DACH2: variants seen among roughly 807,000 people sequenced by gnomAD.
The protein encoded by DACH2 is dachshund homolog 2.
DACH2 carries 17 observed loss-of-function variants against 35.8 expected under a neutral mutation model. That is an observed-to-expected ratio of 0.48 (90% CI 0.33 to 0.71). The LOEUF is 0.71. Among genes scored for constraint, DACH2 ranks in the 30% least tolerant of loss-of-function variants. The probability of loss-of-function intolerance (pLI) is 0.02; values close to 1 mark genes in which losing one functional copy is unlikely to be tolerated. For missense variants in DACH2, 469 were observed against 472.7 expected (o/e 0.99, Z 0.07); for synonymous variants, 195 against 177.3 (o/e 1.10, Z -0.79).
chrX:86,415,331 G>A (rs764656599), intron 2 of DACH2, among the ~76,000 whole-genome samples: 1 of 111,762 alleles, frequency 8.9e-6, no homozygotes, highest in East Asian at 2.8e-4. Context: ...TTGTTTTTGT[G>A]GTGTGCATCA....
intron 1 of DACH2, among the ~76,000 whole-genome samples, chrX:86,223,257 G>A (rs1268239785): frequency 8.9e-6 from 1 of 111,863 alleles, no homozygotes; most frequent in Non-Finnish European, 1.9e-5. Context: ...AAATTAAAGT[G>A]TAATCACATT....
At chrX:86,639,593 G>A (rs558733385) in intron 3 of DACH2, among the ~76,000 whole-genome samples, 12 of 111,301 alleles carry the variant, frequency 1.1e-4, no homozygotes, top group African/African-American at 2.0e-4. Flanking sequence ...TCCAAGGCAC[G>A]TCACAATATA....
At chrX:86,442,858 G>T (rs2037192922) in intron 2 of DACH2, among the ~76,000 whole-genome samples, 1 of 111,592 alleles carries the variant, frequency 9.0e-6, no homozygotes, top group South Asian at 3.7e-4. Context: ...GAATCAGTAG[G>T]TTGTAAACAC....
chrX:86,278,223 A>T (rs777424823), intron 1 of DACH2, among the ~76,000 whole-genome samples: 2 of 112,184 alleles, frequency 1.8e-5, no homozygotes, highest in African/African-American at 6.5e-5. Flanking sequence ...TGCAGCCATC[A>T]TTAGTCAACA....
intron 6 of DACH2, among the ~76,000 whole-genome samples, chrX:86,718,150 C>T (rs2041359425): frequency 9.0e-6 from 1 of 111,163 alleles, no homozygotes; most frequent in African/African-American, 3.3e-5. Context: ...GTTTTCTCCT[C>T]ACAAACACTT....
intron 7 of DACH2, among the ~76,000 whole-genome samples, chrX:86,777,919 T>C (rs772617113): frequency 9.0e-6 from 1 of 111,553 alleles, no homozygotes; most frequent in African/African-American, 3.3e-5. Context: ...ATTTAAAGTT[T>C]TTTAAAGGGG....
At chrX:86,714,799 T>G (rs1194889958) in intron 6 of DACH2, 79 bp downstream of exon 6, 1 of 894,155 alleles carries the variant, frequency 1.1e-6, no homozygotes, top group East Asian at 3.3e-5. Context: ...TCCCACTGGA[T>G]CTTCAGTAGT....
At chrX:86,367,420 T>C (rs2035821724) in intron 1 of DACH2, among the ~76,000 whole-genome samples, 1 of 111,351 alleles carries the variant, frequency 9.0e-6, no homozygotes, top group Non-Finnish European at 1.9e-5. Flanking sequence ...GGCAATAACT[T>C]TAAATCAGAG....
At chrX:86,305,558 A>G (rs1366748046) in intron 1 of DACH2, among the ~76,000 whole-genome samples, 1 of 111,743 alleles carries the variant, frequency 8.9e-6, no homozygotes, top group African/African-American at 3.3e-5. Flanking sequence ...TATAGACTAC[A>G]AAAGCAAAAA....
chrX:86,726,156 C>T lies in DACH2; in HGVS notation c.1104+11436C>T, dbSNP rs774013236. On this transcript the variant is annotated intron_variant, in intron 6 of 11. Coordinates refer to ENST00000373125, the MANE Select transcript of DACH2 (RefSeq NM_053281.3). ...GGTGGGGCCCCTCATAGCGGGAGCA[C>T]CATGCGCAGGTAGCTCTGGAAAGTA... is the stretch of plus-strand genomic sequence containing the variant. Among the ~76,000 whole-genome samples the T allele has an allele frequency of 8.1e-5, 9 of 111,634 alleles. 1 individual carries two copies. The East Asian group carries it at 2.6e-3, about 32-fold the overall frequency.
At position 86,651,102 on chromosome X, in the gene DACH2, C is replaced by A. The variant is rs1357618031; in HGVS notation, c.707C>A (p.Thr236Asn). The stretch of plus-strand genomic sequence containing the variant: ...AAGATGAAGCTTATGGCTATGAACA[C>A]TCTTCAGGGAAATGGAAGCCAAAAT... Reference protein sequence around the residue: ...LQKMKLMAMNTLQGNGSQNGT... With the variant: ...LQKMKLMAMNNLQGNGSQNGT... Residue 236 changes from threonine (T) to asparagine (N), a missense_variant, in exon 4 of 12, where the codon ACT (threonine) becomes AAT (asparagine). Thr to Asn is a moderately conservative substitution (Grantham distance 65). Coordinates refer to ENST00000373125, the MANE Select transcript of DACH2 (RefSeq NM_053281.3). 8.3e-7 allele frequency: 1 copy of A among 1,209,593 alleles called. No homozygotes were observed. The highest frequency in any genetic ancestry group is 1.1e-6 in the Non-Finnish European group (1 of 894,124).
At chrX:86,205,478 T>C (rs868836756) in intron 1 of DACH2, among the ~76,000 whole-genome samples, 447 of 36,872 alleles carry the variant, frequency 0.012, 18 homozygotes, top group African/African-American at 0.085. Context: ...CCTTCCCTCC[T>C]TCCCTCCTTC....
intron 1 of DACH2, among the ~76,000 whole-genome samples, chrX:86,228,687 T>C (rs947325658): frequency 3.6e-5 from 4 of 111,467 alleles, no homozygotes; most frequent in African/African-American, 1.3e-4. Flanking sequence ...TATATTGTGG[T>C]TTTGATTTGC....
chrX:86,826,349 C>A (rs2042562133), intron 11 of DACH2, among the ~76,000 whole-genome samples: 1 of 111,355 alleles, frequency 9.0e-6, no homozygotes, highest in South Asian at 3.8e-4. Flanking sequence ...AAAAGATGAC[C>A]TATTGACCTA....
chrX:86,344,054 C>T (rs1041203358), intron 1 of DACH2, among the ~76,000 whole-genome samples: 5 of 109,846 alleles, frequency 4.6e-5, no homozygotes, highest in African/African-American at 1.3e-4. Context: ...TTAAATAACT[C>T]AAAGGTGTAA....
rs139911216 is a variant in DACH2 at position 86,663,419 on chromosome X, A to G, written c.772+12252A>G. Among the ~76,000 whole-genome samples the G allele has an allele frequency of 4.2e-4, 47 of 112,037 alleles. 1 individual carries two copies. The East Asian group carries it at 0.011, about 25-fold the overall frequency. ...CATCTCTTAGGATGTGTTTAATGCA[A>G]AGCATAAAGTTAATTGTAAAGCTAC... On this transcript the variant is annotated intron_variant, in intron 4 of 11. Coordinates refer to ENST00000373125, the MANE Select transcript of DACH2 (RefSeq NM_053281.3).
chrX:86,215,511 A>G (rs2032549135), intron 1 of DACH2, among the ~76,000 whole-genome samples: 1 of 112,011 alleles, frequency 8.9e-6, no homozygotes, highest in Non-Finnish European at 1.9e-5. Context: ...TAGGTAATGT[A>G]TGCATGTGTT....
At chrX:86,309,355 C>A (rs1259255274) in intron 1 of DACH2, among the ~76,000 whole-genome samples, 1 of 112,537 alleles carries the variant, frequency 8.9e-6, no homozygotes, top group African/African-American at 3.2e-5. Flanking sequence ...CAACCATTGA[C>A]TGCACAAATG....
intron 3 of DACH2, among the ~76,000 whole-genome samples, chrX:86,607,451 TAAAG>T (rs935223627): frequency 7.8e-4 from 87 of 111,707 alleles, no homozygotes; most frequent in Admixed American, 1.9e-3. Context: ...TTTGCATAAA[TAAAG>T]AAACAAACAA....
Sources: allele counts gnomAD v4.1 joint callset (sites outside exome capture counted in the v4.1 genomes callset), GRCh38; gene constraint gnomAD v4.1.1; transcripts MANE v1.5; gene names NCBI Gene and HGNC (gene_info 2026-07-23, HGNC 2026-07-21).